Variants in CDC42BPA observed in about 807,000 individuals in gnomAD.
The protein encoded by CDC42BPA is serine/threonine-protein kinase MRCK alpha.
Under a neutral mutation model 223.5 loss-of-function variants are expected in CDC42BPA, and 80 were observed. The ratio of observed to expected loss-of-function variants is 0.36; its 90% CI spans 0.30 to 0.43. The LOEUF (loss-of-function observed/expected upper bound fraction) is 0.43. Among genes scored for constraint, CDC42BPA ranks in the 20% least tolerant of loss-of-function variants. The pLI, the probability that CDC42BPA is intolerant of heterozygous loss-of-function variation, is 1.00. For synonymous variants in CDC42BPA, 694 were observed against 718.6 expected (o/e 0.97, Z 0.55); for missense variants, 1,743 against 2,099.9 (o/e 0.83, Z 3.32).
At chr1:227,150,281 C>G (rs1661497840) in intron 6 of CDC42BPA, among the ~76,000 whole-genome samples, 1 of 150,924 alleles carries the variant, frequency 6.6e-6, no homozygotes, top group Non-Finnish European at 1.5e-5. Flanking sequence ...AAACCAGACT[C>G]ATGTCTATAC....
chr1:227,125,103 C>A (rs1369059039), intron 11 of CDC42BPA, among the ~76,000 whole-genome samples: 1 of 151,638 alleles, frequency 6.6e-6, no homozygotes, highest in African/African-American at 2.4e-5. Flanking sequence ...AAAGCCCCAA[C>A]AAAAGCCTGC....
chr1:227,180,469 T>C (rs914301949), intron 5 of CDC42BPA: 5 of 152,206 alleles, frequency 3.3e-5, no homozygotes, highest in African/African-American at 1.2e-4. Context: ...CAACCAGCAA[T>C]GACCCTTCTC....
At position 227,091,878 on chromosome 1, in the gene CDC42BPA, T is replaced by A; in HGVS notation, c.2355+8A>T. ...ACTACTCAATTAATATGAGATTAAA[T>A]CACTCACCTTATCAAGTTCACTCGT... is the stretch of plus-strand genomic sequence containing the variant. On this transcript the variant is annotated splice_region_variant and intron_variant, in intron 16 of 36. Transcript: ENST00000366766. 1 of 1,475,064 alleles carries A rather than the reference T, an allele frequency of 6.8e-7. No individual in the cohort carries two copies. The highest frequency in any genetic ancestry group is 1.2e-5 in the South Asian group (1 of 84,724). 91.4% of individuals were successfully genotyped at this position (1,475,064 alleles called of 1,614,324 possible). A position where few individuals can be genotyped will look rare whatever the true frequency, so the allele number is the denominator to read the frequency against.
At chr1:227,289,681 G>A (rs894801598) in intron 1 of CDC42BPA, among the ~76,000 whole-genome samples, 1 of 152,094 alleles carries the variant, frequency 6.6e-6, no homozygotes, top group Non-Finnish European at 1.5e-5. Flanking sequence ...ATAAATATCT[G>A]TTAAAATAAA....
chr1:227,291,077 T>C (rs1030735066), intron 1 of CDC42BPA, among the ~76,000 whole-genome samples: 7 of 152,140 alleles, frequency 4.6e-5, no homozygotes, highest in Non-Finnish European at 1.0e-4. Context: ...ATACCAATTA[T>C]ATTGGTTCAG....
At chr1:227,166,205 G>T (rs1665005647) in intron 5 of CDC42BPA, among the ~76,000 whole-genome samples, 1 of 152,186 alleles carries the variant, frequency 6.6e-6, no homozygotes, top group South Asian at 2.1e-4. Context: ...CATGGCTGAA[G>T]TCTCTGTTCT....
At chr1:227,060,034 T>A (rs940636792) in intron 21 of CDC42BPA, among the ~76,000 whole-genome samples, 23 of 142,722 alleles carry the variant, frequency 1.6e-4, no homozygotes, top group Non-Finnish European at 2.6e-4. Context: ...TTTTTTGTTT[T>A]TTTTTTTTTT....
intron 14 of CDC42BPA, among the ~76,000 whole-genome samples, chr1:227,111,155 G>A (rs1158657868): frequency 6.6e-6 from 1 of 152,166 alleles, no homozygotes; most frequent in Non-Finnish European, 1.5e-5. Context: ...TAAGGAGTAT[G>A]ATTCTTACAT....
intron 2 of CDC42BPA, among the ~76,000 whole-genome samples, chr1:227,247,661 G>A (rs995116423): frequency 6.6e-6 from 1 of 151,992 alleles, no homozygotes; most frequent in Non-Finnish European, 1.5e-5. Flanking sequence ...AAGGCAGGCG[G>A]ATCATCTGAC....
chr1:227,103,768 CA>C (rs1685440534), intron 14 of CDC42BPA, among the ~76,000 whole-genome samples: 1 of 151,884 alleles, frequency 6.6e-6, no homozygotes, highest in Non-Finnish European at 1.5e-5. Context: ...AATAAAATAA[CA>C]AAAATCAATC....
intron 7 of CDC42BPA, 30 bp downstream of exon 7, chr1:227,147,329 T>A (rs944498960): frequency 1.3e-6 from 2 of 1,528,720 alleles, no homozygotes; most frequent in East Asian, 2.3e-5. Flanking sequence ...ATTTACCACA[T>A]TAATTTGAAC....
At chr1:227,200,430 T>TA (rs1472043982) in intron 3 of CDC42BPA, among the ~76,000 whole-genome samples, 18,983 of 93,552 alleles carry the variant, frequency 0.2, 1,558 homozygotes, top group South Asian at 0.32. Context: ...GACCTTGCCT[T>TA]AAAAAACAAA....
chr1:227,204,011 GAT>G (rs1672250813), intron 3 of CDC42BPA, among the ~76,000 whole-genome samples: 1 of 152,130 alleles, frequency 6.6e-6, no homozygotes, highest in Non-Finnish European at 1.5e-5. Context: ...AAAATCCACT[GAT>G]GATTATATCT....
At chr1:227,282,927 A>AC (rs1400844286) in intron 1 of CDC42BPA, among the ~76,000 whole-genome samples, 1 of 152,244 alleles carries the variant, frequency 6.6e-6, no homozygotes, top group African/African-American at 2.4e-5. Context: ...GGATGGTTGC[A>AC]CAACAATGTG....
At chr1:227,049,600 A>C (rs986665337) in intron 22 of CDC42BPA, among the ~76,000 whole-genome samples, 2 of 152,146 alleles carry the variant, frequency 1.3e-5, no homozygotes, top group Non-Finnish European at 2.9e-5. Flanking sequence ...GAAGAAAAGG[A>C]AGAAGGTATG....
intron 9 of CDC42BPA, among the ~76,000 whole-genome samples, chr1:227,142,205 ACAGT>A (rs1382279385): frequency 2.0e-5 from 3 of 152,204 alleles, no homozygotes; most frequent in Non-Finnish European, 4.4e-5. Context: ...AGAATGAGAG[ACAGT>A]CAAAGGAACT....
chr1:227,031,236 C>T, intron 28 of CDC42BPA, 62 bp downstream of exon 28: 1 of 1,320,924 alleles, frequency 7.6e-7, no homozygotes, highest in Non-Finnish European at 1.1e-6. Flanking sequence ...AAAGCCAATC[C>T]CTGTTCTCAA....
At chr1:227,111,025 C>T (rs1686821609) in intron 14 of CDC42BPA, among the ~76,000 whole-genome samples, 1 of 152,136 alleles carries the variant, frequency 6.6e-6, no homozygotes, top group African/African-American at 2.4e-5. Context: ...TCTGTGTTTT[C>T]AATAAGCTAG....
chr1:227,312,450 A>G (rs1451440276), intron 1 of CDC42BPA, among the ~76,000 whole-genome samples: 1 of 152,240 alleles, frequency 6.6e-6, no homozygotes, highest in African/African-American at 2.4e-5. Flanking sequence ...GTTTTTATAT[A>G]CTGCTATACT....
Sources: gnomAD v4.1 joint callset for allele counts (sites outside exome capture counted in the v4.1 genomes callset) on GRCh38, gnomAD v4.1.1 for gene constraint, MANE v1.5 for transcripts, NCBI Gene and HGNC (gene_info 2026-07-23, HGNC 2026-07-21) for gene names.